The following DLC1 variants were observed in gnomAD, a reference collection of about 807,000 sequenced individuals.
DLC1 encodes the protein rho GTPase-activating protein 7.
Under a neutral mutation model 140.3 loss-of-function variants are expected in DLC1, and 54 were observed. That is an observed-to-expected ratio of 0.38 (90% CI 0.31 to 0.48). The LOEUF (loss-of-function observed/expected upper bound fraction) is 0.48, where lower values mean the gene tolerates loss of function less well. Among genes scored for constraint, DLC1 ranks in the 20% least tolerant of loss-of-function variants. The probability of loss-of-function intolerance (pLI) is 0.96; values close to 1 mark genes in which losing one functional copy is unlikely to be tolerated. For missense variants in DLC1, 2,536 were observed against 1,907.0 expected, an observed-to-expected ratio of 1.33 and a Z score of -6.14; for synonymous variants, 986 against 728.1, an observed-to-expected ratio of 1.35 and a Z score of -5.70.
At chr8:13,295,807 C>G (rs962607403) in intron 5 of DLC1, among the ~76,000 whole-genome samples, 2 of 152,000 alleles carry the variant, frequency 1.3e-5, no homozygotes, top group Non-Finnish European at 2.9e-5. Flanking sequence ...TAGGATCAAT[C>G]AACACTTTTC....
intron 5 of DLC1, among the ~76,000 whole-genome samples, chr8:13,263,940 C>T (rs1045795496): frequency 5.9e-5 from 9 of 151,780 alleles, no homozygotes; most frequent in Non-Finnish European, 1.3e-4. Flanking sequence ...ATATTCATAA[C>T]AGCAAATACT....
chr8:13,548,244 C>G lies in DLC1; in HGVS notation c.-125-48048G>C, dbSNP rs190874880. Among the ~76,000 whole-genome samples the G allele has an allele frequency of 5.0e-3, 760 of 152,142 alleles. 7 individuals are homozygous for G. Among genetic ancestry groups the G allele is most frequent in the Middle Eastern group, 0.014 (4 of 294 alleles). On this transcript the variant is annotated intron_variant, in intron 1 of 1. Coordinates refer to the DLC1 transcript ENST00000631382. ...ATCCCACGCCTACCCGACCCTACAC[C>G]TCACTAGGTTAGCTGAATGTTACAT...
intron 5 of DLC1, among the ~76,000 whole-genome samples, chr8:13,116,731 A>C (rs186936562): frequency 2.3e-4 from 35 of 152,330 alleles, no homozygotes; most frequent in Non-Finnish European, 4.0e-4. Flanking sequence ...AATTAAGCAA[A>C]TCCAAATTCA....
chr8:13,357,163 C>G (rs1011238920), intron 4 of DLC1, among the ~76,000 whole-genome samples: 1 of 152,056 alleles, frequency 6.6e-6, no homozygotes, highest in East Asian at 1.9e-4. Context: ...CTCAGCTACT[C>G]GTGAGGCCAA....
intron 2 of DLC1, among the ~76,000 whole-genome samples, chr8:13,411,198 G>A (rs560343584): frequency 3.5e-4 from 53 of 152,176 alleles, no homozygotes; most frequent in African/African-American, 1.3e-3. Context: ...GATAAACAGT[G>A]GTACATTTAG....
chr8:13,373,620 T>C (rs1013970229), intron 4 of DLC1, among the ~76,000 whole-genome samples: 4 of 152,228 alleles, frequency 2.6e-5, no homozygotes, highest in African/African-American at 9.6e-5. Context: ...TTTTATTCAA[T>C]TCTCCAAAAA....
intron 2 of DLC1, among the ~76,000 whole-genome samples, chr8:13,498,277 A>C (rs1163023464): frequency 6.6e-6 from 1 of 152,178 alleles, no homozygotes; most frequent in Admixed American, 6.5e-5. Context: ...TTCTATAGAA[A>C]AGACAGGTTT....
intron 1 of DLC1, chr8:13,567,420 G>A (rs773688770): frequency 3.2e-6 from 5 of 1,551,690 alleles, no homozygotes; most frequent in African/African-American, 2.7e-5. Context: ...AGAAGAAGAC[G>A]AGCAGCAGAC....
At chr8:13,219,528 A>G (rs184561120) in intron 5 of DLC1, among the ~76,000 whole-genome samples, 1 of 150,542 alleles carries the variant, frequency 6.6e-6, no homozygotes, top group Admixed American at 6.6e-5. Context: ...TATCTTAAAT[A>G]TATATACATT....
chr8:13,307,877 A>C (rs866435483), intron 4 of DLC1, among the ~76,000 whole-genome samples: 1 of 152,242 alleles, frequency 6.6e-6, no homozygotes. Flanking sequence ...TGTGAGCCAC[A>C]CTAAACAGAC....
At chr8:13,356,976 A>G (rs929322301) in intron 4 of DLC1, among the ~76,000 whole-genome samples, 1 of 152,248 alleles carries the variant, frequency 6.6e-6, no homozygotes, top group African/African-American at 2.4e-5. Flanking sequence ...AAGCCTTAGG[A>G]AAGTCCTGCC....
chr8:13,469,078 C>G (rs1469031600), intron 2 of DLC1, among the ~76,000 whole-genome samples: 3 of 152,124 alleles, frequency 2.0e-5, no homozygotes, highest in Admixed American at 1.3e-4. Context: ...CTCAGCCTCC[C>G]AAAGTGCTGG....
intron 4 of DLC1, among the ~76,000 whole-genome samples, chr8:13,325,555 G>A (rs774329832): frequency 5.9e-5 from 9 of 152,138 alleles, no homozygotes; most frequent in Non-Finnish European, 1.3e-4. Context: ...TCTGAAGCCT[G>A]ATCCTAAGGC....
At chr8:13,215,999 T>C (rs1009006704) in intron 5 of DLC1, among the ~76,000 whole-genome samples, 2 of 152,076 alleles carry the variant, frequency 1.3e-5, no homozygotes, top group African/African-American at 2.4e-5. Flanking sequence ...GTTTCCTAGG[T>C]GATTTTTCTA....
rs869162448 is a variant in DLC1 at position 13,188,843 on chromosome 8, ATTTTTTTT to A, written c.1349-73194_1349-73187del. Among the ~76,000 whole-genome samples the A allele has an allele frequency of 1.3e-3, 41 of 30,674 alleles. No individual in the cohort carries two copies. In the East Asian group the frequency reaches 0.029, roughly 21 times the overall value. The allele number at this position is 30,674 out of a possible 152,430, so 20.1% of individuals were successfully genotyped here. ...TATATATATGTATATATATATATATATTTTTTTTTTTTTTTTTTTTTTTTTTTAGTGGA... is the reference window on the plus strand; with the variant it reads ...TATATATATGTATATATATATATATATTTTTTTTTTTTTTTTTTTAGTGGA... On this transcript the variant is annotated intron_variant, in intron 5 of 17. Transcript: ENST00000276297.
At chr8:13,515,556 C>G (rs1563414677), upstream of DLC1, 1 of 152,206 alleles carries the variant, frequency 6.6e-6, no homozygotes, top group Non-Finnish European at 1.5e-5. Context: ...TAAACACTTA[C>G]AACTGCTTCC....
intron 4 of DLC1, among the ~76,000 whole-genome samples, chr8:13,348,406 G>A (rs568428234): frequency 1.3e-5 from 2 of 152,292 alleles, no homozygotes; most frequent in South Asian, 4.1e-4. Context: ...TTAGAGGATA[G>A]GGTCCTACTG....
At chr8:13,562,150 T>C (rs1804266517) in intron 1 of DLC1, among the ~76,000 whole-genome samples, 1 of 151,894 alleles carries the variant, frequency 6.6e-6, no homozygotes, top group Non-Finnish European at 1.5e-5. Context: ...TCGGGTCAAT[T>C]TAAATAAAAA....
chr8:13,158,410 A>T (rs1824416187), intron 5 of DLC1, among the ~76,000 whole-genome samples: 2 of 152,186 alleles, frequency 1.3e-5, no homozygotes, highest in African/African-American at 4.8e-5. Context: ...ATTTGGGGAA[A>T]ATTCATGATT....
Sources: allele counts gnomAD v4.1 joint callset (sites outside exome capture counted in the v4.1 genomes callset), GRCh38; gene constraint gnomAD v4.1.1; transcripts MANE v1.5; gene names NCBI Gene and HGNC (gene_info 2026-07-23, HGNC 2026-07-21).